The following DYM variants were observed in gnomAD, a reference collection of about 807,000 sequenced individuals.
The protein encoded by DYM is dymeclin.
In DYM, 78 loss-of-function variants were observed where a neutral mutation model predicts 93.1. The observed-to-expected ratio is 0.84, with a 90% CI of 0.70 to 1.01. The LOEUF is 1.01. DYM is among the 50% of genes least tolerant of loss of function. The pLI is 0.00. For missense variants in DYM, 789 were observed against 845.0 expected (o/e 0.93, Z 0.82); for synonymous variants, 321 against 319.7 (o/e 1.00, Z -0.04).
intron 6 of DYM, among the ~76,000 whole-genome samples, chr18:49,339,936 G>T (rs117538188): frequency 0.037 from 5,597 of 151,454 alleles, 137 homozygotes; most frequent in Non-Finnish European, 0.054. Context: ...TTTTTTTGGG[G>T]TTTTTTGTTT....
At chr18:49,410,056 A>C (rs936975980) in intron 2 of DYM, among the ~76,000 whole-genome samples, 6 of 152,014 alleles carry the variant, frequency 3.9e-5, no homozygotes, top group African/African-American at 1.5e-4. Flanking sequence ...TCATCTGAAC[A>C]CTTTGGATTT....
intron 17 of DYM, among the ~76,000 whole-genome samples, chr18:49,065,411 G>A (rs549832204): frequency 2.0e-5 from 3 of 152,278 alleles, no homozygotes; most frequent in Admixed American, 6.5e-5. Flanking sequence ...TGCCCAGGCT[G>A]AAGTGCAATG....
intron 17 of DYM, among the ~76,000 whole-genome samples, chr18:49,080,781 A>C (rs2077895612): frequency 7.2e-6 from 1 of 138,558 alleles, no homozygotes. Flanking sequence ...CTCACTTCTC[A>C]GACGGGGCGG....
intron 16 of DYM, among the ~76,000 whole-genome samples, chr18:49,109,344 T>A (rs1004956075): frequency 2.6e-5 from 4 of 152,212 alleles, no homozygotes; most frequent in Admixed American, 1.3e-4. Flanking sequence ...ATTTTATGAT[T>A]TCTATTTTAT....
rs149822011 is a variant in DYM, at chr18:49,379,731, A to G, written c.221T>C (p.Leu74Pro). 1 of 1,613,392 alleles carries G rather than the reference A, an allele frequency of 6.2e-7. No homozygotes were observed. Among genetic ancestry groups the G allele is most frequent in the Non-Finnish European group, 8.5e-7 (1 of 1,179,538 alleles). ...LVENNPRTGNLGALIKVFLSR... is the reference protein window; with the variant it reads ...LVENNPRTGNPGALIKVFLSR... ...AAGGAAGACCTTAATTAGTGCACCA[A>G]GATTTCCTGTTCGAGGATTGTTTTC... is the stretch of plus-strand genomic sequence containing the variant. The change falls in exon 4 of 18, where the codon CTT (leucine) becomes CCT (proline). Residue 74 changes from leucine (L) to proline (P), a missense_variant. By Grantham distance (98) the Leu-to-Pro change is moderately conservative. Transcript: ENST00000675505.
At chr18:49,303,902 T>C (rs2061110267) in intron 8 of DYM, among the ~76,000 whole-genome samples, 1 of 152,176 alleles carries the variant, frequency 6.6e-6, no homozygotes, top group Non-Finnish European at 1.5e-5. Context: ...CCTAACTAAG[T>C]CTCCTACAAA....
intron 14 of DYM, among the ~76,000 whole-genome samples, chr18:49,176,118 T>C (rs1396974928): frequency 6.6e-6 from 1 of 152,080 alleles, no homozygotes; most frequent in Non-Finnish European, 1.5e-5. Flanking sequence ...ACTCAGGAAT[T>C]GAATTTCCCC....
intron 10 of DYM, among the ~76,000 whole-genome samples, chr18:49,277,608 T>C (rs1314782319): frequency 7.9e-5 from 12 of 152,092 alleles, no homozygotes; most frequent in Admixed American, 6.6e-4. Flanking sequence ...TTATAAGAGA[T>C]AGGAGACAGC....
rs567711543 is a variant in DYM, at chr18:49,197,143, T to C, written c.1625+12408A>G. 6.6e-5 allele frequency among the ~76,000 whole-genome samples: 10 copies of C among 152,194 alleles called. No homozygotes were observed. In the South Asian group the frequency reaches 1.0e-3, roughly 16 times the overall value. Reference sequence around the variant, plus strand: ...AGATGGGACATGTGAGGTATGAGTGTTGATGTTAACAGTAAGGCAGCTCTC... The same window carrying C: ...AGATGGGACATGTGAGGTATGAGTGCTGATGTTAACAGTAAGGCAGCTCTC... On this transcript the variant is annotated intron_variant, in intron 14 of 17. Transcript: ENST00000675505.
At chr18:49,145,134 T>TAAAA (rs1555778610) in intron 15 of DYM, among the ~76,000 whole-genome samples, 1 of 79,574 alleles carries the variant, frequency 1.3e-5, no homozygotes, top group Non-Finnish European at 2.5e-5. Context: ...TATATATATA[T>TAAAA]AATTTATATA....
At chr18:49,335,156 A>T (rs1030621533) in intron 6 of DYM, among the ~76,000 whole-genome samples, 1 of 152,142 alleles carries the variant, frequency 6.6e-6, no homozygotes, top group South Asian at 2.1e-4. Flanking sequence ...AAAATGACAT[A>T]TAAAAAAAGA....
At chr18:49,375,314 CA>C (rs1390081434) in intron 5 of DYM, among the ~76,000 whole-genome samples, 2 of 151,612 alleles carry the variant, frequency 1.3e-5, no homozygotes, top group Non-Finnish European at 2.9e-5. Flanking sequence ...TATACACACA[CA>C]CATATTCATT....
At chr18:49,459,035 A>C (rs964820110) in intron 1 of DYM, among the ~76,000 whole-genome samples, 1 of 152,198 alleles carries the variant, frequency 6.6e-6, no homozygotes, top group East Asian at 1.9e-4. Context: ...AGTACCCTTT[A>C]TTATTTCACT....
intron 8 of DYM, among the ~76,000 whole-genome samples, chr18:49,322,209 G>GA (rs962551428): frequency 3.3e-5 from 5 of 150,478 alleles, no homozygotes; most frequent in East Asian, 1.9e-4. Context: ...GCAAGCAAAG[G>GA]AAAAAAAAAA....
chr18:49,116,388 A>T (rs1421103121), intron 16 of DYM: 1 of 152,234 alleles, frequency 6.6e-6, no homozygotes, highest in African/African-American at 2.4e-5. Context: ...AATGAGTCTT[A>T]AACTCAGTAT....
chr18:49,267,428 C>T (rs923462950), intron 11 of DYM, among the ~76,000 whole-genome samples: 1 of 152,054 alleles, frequency 6.6e-6, no homozygotes, highest in African/African-American at 2.4e-5. Context: ...TCTCAATAAC[C>T]AGTATAATTC....
chr18:49,062,706 T>C (rs1310526880), intron 17 of DYM, among the ~76,000 whole-genome samples: 1 of 152,258 alleles, frequency 6.6e-6, no homozygotes, highest in Non-Finnish European at 1.5e-5. Flanking sequence ...TAGGAGTCTT[T>C]GGAACACACT....
At chr18:49,132,124 A>G (rs965167804) in intron 15 of DYM, among the ~76,000 whole-genome samples, 12 of 152,222 alleles carry the variant, frequency 7.9e-5, no homozygotes, top group Non-Finnish European at 1.5e-4. Context: ...TGTGATAATG[A>G]TATGTGATTA....
At chr18:49,142,210 A>G (rs890214442) in intron 15 of DYM, among the ~76,000 whole-genome samples, 10 of 152,036 alleles carry the variant, frequency 6.6e-5, no homozygotes, top group Non-Finnish European at 8.8e-5. Flanking sequence ...TATTTATTCC[A>G]TATTTTGCTT....
Sources: gnomAD v4.1 joint callset for allele counts (sites outside exome capture counted in the v4.1 genomes callset) on GRCh38, gnomAD v4.1.1 for gene constraint, MANE v1.5 for transcripts, NCBI Gene and HGNC (gene_info 2026-07-23, HGNC 2026-07-21) for gene names.